ENPP6: variants seen among roughly 807,000 people sequenced by gnomAD.
ENPP6 encodes the protein ectonucleotide pyrophosphatase/phosphodiesterase 6.
In ENPP6, 32 loss-of-function variants were observed where a neutral mutation model predicts 42.0. That is an observed-to-expected ratio of 0.76 (90% CI 0.58 to 1.02). The LOEUF is 1.02. Among genes scored for constraint, ENPP6 ranks in the 50% least tolerant of loss-of-function variants. The probability of loss-of-function intolerance (pLI) is 0.00; values close to 1 mark genes in which losing one functional copy is unlikely to be tolerated. For synonymous variants in ENPP6, 213 were observed against 216.0 expected (o/e 0.99, Z 0.12); for missense variants, 552 against 566.8 (o/e 0.97, Z 0.27).
chr4:184,158,900 A>T (rs564507202), intron 1 of ENPP6, among the ~76,000 whole-genome samples: 2 of 152,332 alleles, frequency 1.3e-5, no homozygotes, highest in African/African-American at 4.8e-5. Flanking sequence ...AGCTTTGTAA[A>T]TGATGTCAGT....
chr4:184,176,566 T>C (rs1737563830), intron 1 of ENPP6, among the ~76,000 whole-genome samples: 1 of 152,128 alleles, frequency 6.6e-6, no homozygotes, highest in South Asian at 2.1e-4. Context: ...GGCACTGAAC[T>C]GCAGGAGGGA....
At chr4:184,168,513 A>T (rs1737397917) in intron 1 of ENPP6, among the ~76,000 whole-genome samples, 1 of 141,228 alleles carries the variant, frequency 7.1e-6, no homozygotes, top group Admixed American at 6.8e-5. Flanking sequence ...CACGGGGGTG[A>T]AAGTTACAGG....
chr4:184,131,201 C>CTTTTTCT (rs376993212), intron 2 of ENPP6, among the ~76,000 whole-genome samples: 1 of 70,644 alleles, frequency 1.4e-5, no homozygotes, highest in Non-Finnish European at 2.8e-5. Context: ...TTCTTTCTTT[C>CTTTTTCT]TTCTTTCTTT....
rs1736346975 is a variant in ENPP6, at chr4:184,117,849, T to A, written c.585A>T (p.Glu195Asp). 6.2e-7 allele frequency: 1 copy of A among 1,614,226 alleles called. No individual in the cohort carries two copies. Among genetic ancestry groups the A allele is most frequent in the Non-Finnish European group, 8.5e-7 (1 of 1,180,044 alleles). Reference protein sequence around the residue: ...AAIYHERIDVEGHHYGPASPQ... With the variant: ...AAIYHERIDVDGHHYGPASPQ... ...GAGATGCAGGCCCGTAGTGGTGGCC[T>A]TCCACGTCAATGCGCTCATGGTATA... The change falls in exon 4 of 8, where the codon GAA becomes GAT. Residue 195 changes from glutamate to aspartate, a missense_variant. This residue lies in a region of ENPP6 where 545 missense variants were observed against 546.3 expected (regional missense o/e 1.00). Coordinates refer to ENST00000296741, the MANE Select transcript of ENPP6 (RefSeq NM_153343.4).
chr4:184,150,211 C>A (rs1242874892), intron 2 of ENPP6, among the ~76,000 whole-genome samples: 1 of 152,144 alleles, frequency 6.6e-6, no homozygotes, highest in African/African-American at 2.4e-5. Flanking sequence ...ATATTAAACG[C>A]CTCAAGACTT....
intron 2 of ENPP6, 76 bp downstream of exon 2, chr4:184,153,478 A>C: frequency 6.8e-7 from 1 of 1,472,090 alleles, no homozygotes; most frequent in Non-Finnish European, 9.1e-7. Flanking sequence ...TTGGTCTTCA[A>C]ACAGTAACTT....
intron 1 of ENPP6, among the ~76,000 whole-genome samples, chr4:184,201,812 G>A (rs532458112): frequency 2.6e-5 from 4 of 151,966 alleles, no homozygotes; most frequent in African/African-American, 4.8e-5. Flanking sequence ...TGGACACCTC[G>A]CCTACCATGC....
intron 1 of ENPP6, among the ~76,000 whole-genome samples, chr4:184,168,795 C>CGGCGGGCA (rs1353456732): frequency 6.6e-6 from 1 of 152,188 alleles, no homozygotes; most frequent in East Asian, 1.9e-4. Context: ...CGGGCAGGGC[C>CGGCGGGCA]GGCGGGCAGG....
At position 184,207,568 on chromosome 4, in the gene ENPP6, T is replaced by C. The variant is rs912486063; in HGVS notation, c.241+10011A>G. ...CTGTGGTTGTGTTTTCACTAGTTGATCCACACACCGCTCTTCAGAGAGAGA... is the reference window on the plus strand; with the variant it reads ...CTGTGGTTGTGTTTTCACTAGTTGACCCACACACCGCTCTTCAGAGAGAGA... On this transcript the variant is annotated intron_variant, in intron 1 of 7. Transcript: ENST00000296741. Among the ~76,000 whole-genome samples, 4 of 152,170 alleles carry C rather than the reference T, an allele frequency of 2.6e-5. 1 individual carries two copies. The South Asian group carries it at 8.3e-4, about 32-fold the overall frequency.
intron 1 of ENPP6, 146 bp from the exon 2 acceptor site, chr4:184,153,879 G>C (rs1253216999): frequency 7.5e-6 from 7 of 929,304 alleles, no homozygotes; most frequent in Non-Finnish European, 1.1e-5. Flanking sequence ...AAAAAAATCA[G>C]ATTTTTTTTT....
chr4:184,175,515 G>A (rs963365979), intron 1 of ENPP6, among the ~76,000 whole-genome samples: 29 of 152,122 alleles, frequency 1.9e-4, no homozygotes, highest in African/African-American at 6.3e-4. Flanking sequence ...AAAGCTCTTC[G>A]TCTGGGGCTA....
intron 2 of ENPP6, among the ~76,000 whole-genome samples, chr4:184,139,466 A>C: frequency 7.0e-6 from 1 of 142,892 alleles, no homozygotes; most frequent in East Asian, 2.2e-4. Flanking sequence ...CTAACTCGTC[A>C]TCTAGCATTA....
At chr4:184,174,494 C>G (rs73007882) in intron 1 of ENPP6, among the ~76,000 whole-genome samples, 2,240 of 152,202 alleles carry the variant, frequency 0.015, 70 homozygotes, top group African/African-American at 0.052. Context: ...AGAATGGAAA[C>G]ATCTACTCTC....
At chr4:184,143,677 C>G (rs1736868878) in intron 2 of ENPP6, among the ~76,000 whole-genome samples, 1 of 152,230 alleles carries the variant, frequency 6.6e-6, no homozygotes, top group African/African-American at 2.4e-5. Flanking sequence ...GAACATGGCT[C>G]CTGCTGCCCT....
chr4:184,131,212 C>CTTTCTTTCTTCTTTCTTTT (rs1736617986), intron 2 of ENPP6, among the ~76,000 whole-genome samples: 1 of 91,910 alleles, frequency 1.1e-5, no homozygotes, highest in Admixed American at 1.1e-4. Context: ...TTCTTTCTTT[C>CTTTCTTTCTTCTTTCTTTT]TTTCTTTTTC....
chr4:184,153,332 C>A (rs1579638192), intron 2 of ENPP6, among the ~76,000 whole-genome samples: 2 of 152,258 alleles, frequency 1.3e-5, no homozygotes, highest in African/African-American at 4.8e-5. Context: ...CCATGTTGGT[C>A]AGGTTGGTCT....
chr4:184,190,420 G>T (rs111539115), intron 1 of ENPP6, among the ~76,000 whole-genome samples: 151 of 152,296 alleles, frequency 9.9e-4, no homozygotes, highest in African/African-American at 3.5e-3. Flanking sequence ...GAATCGGGGA[G>T]ATATGTCTGA....
rs1735779981 is a variant in ENPP6, at chr4:184,091,002, T to C, written c.*175A>G. The C allele has an allele frequency of 1.7e-6, 1 of 582,822 alleles. No homozygotes were observed. Among genetic ancestry groups the C allele is most frequent in the Admixed American group, 4.0e-5 (1 of 25,026 alleles). The allele number at this position is 582,822 out of a possible 1,614,324, so 36.1% of individuals were successfully genotyped here. ...TTCTGGAAAAACAAGGTTTGTATCTTTTTTAACAAGTAGGAACTTTTATGT... is the reference window on the plus strand; with the variant it reads ...TTCTGGAAAAACAAGGTTTGTATCTCTTTTAACAAGTAGGAACTTTTATGT... On this transcript the variant is annotated 3_prime_UTR_variant, in exon 8 of 8. Transcript: ENST00000296741.
At chr4:184,107,784 G>A (rs9999626) in intron 6 of ENPP6, among the ~76,000 whole-genome samples, 35 of 151,746 alleles carry the variant, frequency 2.3e-4, no homozygotes, top group Non-Finnish European at 4.1e-4. Context: ...GCGTGGTGGC[G>A]GGCGCCTGTT....
Sources: allele counts gnomAD v4.1 joint callset (sites outside exome capture counted in the v4.1 genomes callset), GRCh38; gene constraint gnomAD v4.1.1; regional missense constraint gnomAD v4.1.1; transcripts MANE v1.5; gene names NCBI Gene and HGNC (gene_info 2026-07-23, HGNC 2026-07-21).